PCYT1B: variants seen among roughly 807,000 people sequenced by gnomAD.
PCYT1B encodes phosphate cytidylyltransferase 1B, choline.
PCYT1B carries 10 observed loss-of-function variants against 26.4 expected under a neutral mutation model. That is an observed-to-expected ratio of 0.38 (90% confidence interval 0.23 to 0.64). PCYT1B has a LOEUF of 0.64. PCYT1B is among the 30% of genes least tolerant of loss of function. The probability of loss-of-function intolerance (pLI) is 0.56; values close to 1 mark genes in which losing one functional copy is unlikely to be tolerated. For missense variants in PCYT1B, 161 were observed against 292.7 expected, an observed-to-expected ratio of 0.55 and a Z score of 3.28; for synonymous variants, 131 against 108.4, an observed-to-expected ratio of 1.21 and a Z score of -1.29.
intron 1 of PCYT1B, among the ~76,000 whole-genome samples, chrX:24,670,054 AAGAAAGAAAGAAAG>A: frequency 2.3e-5 from 1 of 43,986 alleles, no homozygotes; most frequent in African/African-American, 8.6e-5. Flanking sequence ...AAAAAAAAGA[AAGAAAGAAAGAAAG>A]AAAGAAAGAA....
chrX:24,605,662 C>A (rs931900597), intron 3 of PCYT1B, among the ~76,000 whole-genome samples: 1 of 111,865 alleles, frequency 8.9e-6, no homozygotes, highest in African/African-American at 3.2e-5. Context: ...CGGTGGCTCA[C>A]GCCTGTAATC....
chrX:24,618,121 T>C (rs1925574350), intron 2 of PCYT1B, among the ~76,000 whole-genome samples: 1 of 111,508 alleles, frequency 9.0e-6, no homozygotes, highest in Non-Finnish European at 1.9e-5. Flanking sequence ...GATGGTACCT[T>C]ATAATTCTTT....
intron 1 of PCYT1B, among the ~76,000 whole-genome samples, chrX:24,627,372 T>C (rs962459799): frequency 1.8e-5 from 2 of 111,432 alleles, no homozygotes; most frequent in African/African-American, 6.5e-5. Context: ...CTCACTCTGT[T>C]GCCCAGGGTG....
At chrX:24,652,632 A>G (rs1926808417) in intron 1 of PCYT1B, among the ~76,000 whole-genome samples, 3 of 110,976 alleles carry the variant, frequency 2.7e-5, no homozygotes, top group Non-Finnish European at 5.7e-5. Context: ...TAGCCTACCT[A>G]TAGCCCTGAC....
At chrX:24,592,866 G>C (rs983615658) in intron 3 of PCYT1B, among the ~76,000 whole-genome samples, 1 of 111,447 alleles carries the variant, frequency 9.0e-6, no homozygotes, top group African/African-American at 3.3e-5. Context: ...AATACTCATA[G>C]AGCTCACCTT....
Position 24,561,364 on chromosome X carries a change from G to C in PCYT1B, c.*929C>G. On this transcript the variant is annotated 3_prime_UTR_variant, in exon 8 of 8. Coordinates refer to ENST00000379144, the MANE Select transcript of PCYT1B (RefSeq NM_004845.5). ...CACCCCCTATTGGTATACTATGTTT[G>C]ATACCTCAAACTGTTACTTGAGGTC... is the stretch of plus-strand genomic sequence containing the variant. The C allele has an allele frequency of 8.9e-6, 1 of 112,123 alleles. No individual in the cohort carries two copies. Among genetic ancestry groups the C allele is most frequent in the African/African-American group, 3.3e-5 (1 of 30,725 alleles). 9.2% of individuals were successfully genotyped at this position (112,123 alleles called of 1,213,427 possible). A position where few individuals can be genotyped will look rare whatever the true frequency, so the allele number is the denominator to read the frequency against.
chrX:24,597,245 C>T (rs752451490), intron 3 of PCYT1B, among the ~76,000 whole-genome samples: 35 of 110,120 alleles, frequency 3.2e-4, no homozygotes, highest in African/African-American at 1.1e-3. Context: ...CTGCCTCAGC[C>T]TCCCAAATAG....
At chrX:24,583,163 A>G (rs1924258505) in intron 5 of PCYT1B, among the ~76,000 whole-genome samples, 1 of 112,259 alleles carries the variant, frequency 8.9e-6, no homozygotes, top group African/African-American at 3.2e-5. Flanking sequence ...TGTGACTTCC[A>G]CGACTAAGTC....
chrX:24,564,671 A>G (rs1248280873), intron 7 of PCYT1B, among the ~76,000 whole-genome samples: 2 of 110,940 alleles, frequency 1.8e-5, no homozygotes, highest in Non-Finnish European at 3.8e-5. Flanking sequence ...AGTTTTGACA[A>G]TGCATACAGT....
At chrX:24,605,403 G>T (rs1269534789) in intron 3 of PCYT1B, among the ~76,000 whole-genome samples, 1 of 111,268 alleles carries the variant, frequency 9.0e-6, no homozygotes, top group Non-Finnish European at 1.9e-5. Flanking sequence ...GGTCTTCCCT[G>T]ACCTTTATAC....
intron 3 of PCYT1B, 35 bp from the exon 4 acceptor site, chrX:24,590,209 G>A (rs774202981): frequency 1.0e-5 from 12 of 1,177,102 alleles, no homozygotes; most frequent in East Asian, 3.0e-5. Flanking sequence ...GCCATTACTC[G>A]GCCCAGGACC....
intron 6 of PCYT1B, among the ~76,000 whole-genome samples, chrX:24,578,692 C>T (rs1037328320): frequency 9.0e-6 from 1 of 111,711 alleles, no homozygotes; most frequent in African/African-American, 3.3e-5. Flanking sequence ...AAAAGTTTCT[C>T]TGGGTTTAGC....
upstream of PCYT1B, among the ~76,000 whole-genome samples, chrX:24,647,566 CAT>C (rs1569257117): frequency 8.9e-6 from 1 of 112,240 alleles, no homozygotes; most frequent in East Asian, 2.8e-4. Flanking sequence ...ACCCAGATAA[CAT>C]AAAACCGCTT....
At chrX:24,598,700 A>C (rs1402344811) in intron 3 of PCYT1B, among the ~76,000 whole-genome samples, 1 of 112,075 alleles carries the variant, frequency 8.9e-6, no homozygotes, top group East Asian at 2.7e-4. Flanking sequence ...TTTAATCTTG[A>C]CTGATTCTAT....
intron 1 of PCYT1B, among the ~76,000 whole-genome samples, chrX:24,660,615 T>C (rs767317883): frequency 9.5e-6 from 1 of 105,528 alleles, no homozygotes; most frequent in South Asian, 4.3e-4. Flanking sequence ...GAGGTGGAGG[T>C]TGCAGTGAGC....
chrX:24,575,975 C>T (rs1046908721), intron 6 of PCYT1B, among the ~76,000 whole-genome samples: 5 of 112,277 alleles, frequency 4.5e-5, no homozygotes, highest in African/African-American at 1.6e-4. Flanking sequence ...TGGAAACCAT[C>T]GTATGCTGGG....
intron 1 of PCYT1B, among the ~76,000 whole-genome samples, chrX:24,623,800 A>G (rs1327092541): frequency 9.0e-6 from 1 of 110,541 alleles, no homozygotes; most frequent in Non-Finnish European, 1.9e-5. Context: ...TGCAAATATT[A>G]CTTAAGTGCA....
intron 1 of PCYT1B, among the ~76,000 whole-genome samples, chrX:24,667,423 A>G (rs181435091): frequency 8.2e-4 from 92 of 111,524 alleles, no homozygotes; most frequent in African/African-American, 2.8e-3. Context: ...TTGGAACAAA[A>G]GATAAAAATA....
intron 2 of PCYT1B, among the ~76,000 whole-genome samples, chrX:24,612,102 G>A (rs1352508176): frequency 1.8e-5 from 2 of 113,021 alleles, no homozygotes; most frequent in African/African-American, 6.4e-5. Context: ...TATGGAGAGG[G>A]CCACATGGCA....
Sources: allele counts gnomAD v4.1 joint callset (sites outside exome capture counted in the v4.1 genomes callset), GRCh38; gene constraint gnomAD v4.1.1; transcripts MANE v1.5; gene names NCBI Gene and HGNC (gene_info 2026-07-23, HGNC 2026-07-21).